Variants in DOCK3 observed in about 807,000 individuals in gnomAD.
The protein encoded by DOCK3 is dedicator of cytokinesis 3, also known as dedicator of cytokinesis protein 3.
In DOCK3, 60 loss-of-function variants were observed where a neutral mutation model predicts 265.6. The observed-to-expected ratio is 0.23, with a 90% confidence interval of 0.18 to 0.28. DOCK3 has a LOEUF of 0.28. Among genes scored for constraint, DOCK3 ranks in the 10% least tolerant of loss-of-function variants. The pLI is 1.00. For missense variants in DOCK3, 1,981 were observed against 2,594.3 expected (o/e 0.76, Z 5.14); for synonymous variants, 881 against 938.0 (o/e 0.94, Z 1.11).
intron 4 of DOCK3, among the ~76,000 whole-genome samples, chr3:50,931,508 T>C (rs571599565): frequency 6.6e-6 from 1 of 152,340 alleles, no homozygotes; most frequent in East Asian, 1.9e-4. Flanking sequence ...TTTCAACTTA[T>C]AACCAGTAGC....
intron 47 of DOCK3, 94 bp downstream of exon 47, chr3:51,360,726 C>T (rs2086672112): frequency 1.3e-5 from 20 of 1,523,360 alleles, no homozygotes; most frequent in Admixed American, 2.0e-5. Context: ...ACTCATATTC[C>T]CTCTTACCCA....
intron 10 of DOCK3, among the ~76,000 whole-genome samples, chr3:51,151,325 T>G (rs183375765): frequency 5.9e-4 from 90 of 152,276 alleles, no homozygotes; most frequent in Middle Eastern, 6.8e-3. Context: ...AAGGTCAATA[T>G]TGTTATGTGT....
intron 2 of DOCK3, 81 bp from the exon 3 acceptor site, chr3:50,841,594 C>CT: frequency 1.8e-6 from 1 of 556,426 alleles, no homozygotes; most frequent in East Asian, 3.4e-5. Context: ...GTGCATTTAT[C>CT]TATTTTTTTC....
chr3:50,724,850 G>C (rs929159915), intron 1 of DOCK3, among the ~76,000 whole-genome samples: 1 of 151,996 alleles, frequency 6.6e-6, no homozygotes, highest in Non-Finnish European at 1.5e-5. Context: ...AGAAATAGCT[G>C]GGCATGGTGG....
At chr3:51,355,078 C>T in intron 41 of DOCK3, 55 bp downstream of exon 41, 2 of 1,579,822 alleles carry the variant, frequency 1.3e-6, no homozygotes, top group Middle Eastern at 3.4e-4. Context: ...GAGGTGAGAT[C>T]CACCCAGTCA....
At chr3:51,050,015 G>T (rs2080933653) in intron 5 of DOCK3, among the ~76,000 whole-genome samples, 1 of 151,958 alleles carries the variant, frequency 6.6e-6, no homozygotes, top group Admixed American at 6.6e-5. Flanking sequence ...GGAAATTGAA[G>T]ATCCCTGCAA....
At chr3:51,344,440 T>C (rs1196742574) in intron 38 of DOCK3, among the ~76,000 whole-genome samples, 2 of 152,148 alleles carry the variant, frequency 1.3e-5, no homozygotes, top group Non-Finnish European at 2.9e-5. Context: ...GCCAACATGG[T>C]GAAACCTCGT....
At chr3:51,286,040 A>C (rs2081386138) in intron 27 of DOCK3, among the ~76,000 whole-genome samples, 1 of 152,228 alleles carries the variant, frequency 6.6e-6, no homozygotes, top group African/African-American at 2.4e-5. Flanking sequence ...CTCTATTTAC[A>C]GATGTTATAA....
chr3:51,363,459 A>G (rs946818021), intron 49 of DOCK3, among the ~76,000 whole-genome samples: 7 of 152,218 alleles, frequency 4.6e-5, no homozygotes, highest in Admixed American at 2.6e-4. Flanking sequence ...TCTCATTATT[A>G]TGAAACCAAA....
At chr3:51,060,209 T>TGTTTCTGTCAC (rs2081363128) in intron 5 of DOCK3, among the ~76,000 whole-genome samples, 2 of 151,878 alleles carry the variant, frequency 1.3e-5, no homozygotes, top group South Asian at 4.1e-4. Context: ...ACTGTTCCTG[T>TGTTTCTGTCAC]AGAGGTCAGT....
chr3:50,929,247 G>A (rs1320414237), intron 4 of DOCK3, among the ~76,000 whole-genome samples: 2 of 152,126 alleles, frequency 1.3e-5, no homozygotes, highest in African/African-American at 4.8e-5. Context: ...TAGTGCTTGA[G>A]CAGTTACTGC....
chr3:50,872,225 G>C (rs1575412264), intron 3 of DOCK3, among the ~76,000 whole-genome samples: 1 of 152,222 alleles, frequency 6.6e-6, no homozygotes, highest in East Asian at 1.9e-4. Context: ...TGGATGTTGT[G>C]ATTTAAGCTG....
intron 10 of DOCK3, among the ~76,000 whole-genome samples, chr3:51,156,373 C>A (rs1323065233): frequency 1.3e-5 from 2 of 152,190 alleles, no homozygotes; most frequent in African/African-American, 4.8e-5. Flanking sequence ...AAATCTAATT[C>A]CTGCCATGTA....
chr3:51,138,532 A>G (rs2084910556), intron 9 of DOCK3, among the ~76,000 whole-genome samples: 1 of 152,202 alleles, frequency 6.6e-6, no homozygotes, highest in Non-Finnish European at 1.5e-5. Context: ...ATTATTGAGG[A>G]GAAAAAGAGA....
intron 5 of DOCK3, among the ~76,000 whole-genome samples, chr3:50,983,160 G>C (rs2077759883): frequency 1.3e-5 from 2 of 152,130 alleles, no homozygotes; most frequent in African/African-American, 4.8e-5. Context: ...TGCCCCCTCT[G>C]GACTTTGGGT....
At chr3:50,769,726 C>A (rs776980896) in intron 1 of DOCK3, among the ~76,000 whole-genome samples, 1 of 148,996 alleles carries the variant, frequency 6.7e-6, no homozygotes, top group Non-Finnish European at 1.5e-5. Context: ...ACAGGAGAAT[C>A]GCTTGAACCT....
intron 23 of DOCK3, among the ~76,000 whole-genome samples, chr3:51,262,313 T>A (rs1439578170): frequency 6.6e-6 from 1 of 152,116 alleles, no homozygotes; most frequent in Non-Finnish European, 1.5e-5. Flanking sequence ...AGCAGACCTC[T>A]AACAGAGGGG....
chr3:51,300,967 C>G (rs1435807363), intron 27 of DOCK3, among the ~76,000 whole-genome samples: 2 of 152,116 alleles, frequency 1.3e-5, no homozygotes, highest in Admixed American at 6.6e-5. Context: ...GGAGTAATTT[C>G]AGAAGAAATG....
At chr3:51,333,816 A>G (rs915823849) in intron 35 of DOCK3, among the ~76,000 whole-genome samples, 23 of 151,952 alleles carry the variant, frequency 1.5e-4, no homozygotes, top group African/African-American at 5.6e-4. Flanking sequence ...AGAGATCTTC[A>G]TATTATGTCC....
Sources: allele counts gnomAD v4.1 joint callset (sites outside exome capture counted in the v4.1 genomes callset), GRCh38; gene constraint gnomAD v4.1.1; transcripts MANE v1.5; gene names NCBI Gene and HGNC (gene_info 2026-07-23, HGNC 2026-07-21).